The following NTN4 variants were observed in gnomAD, a reference collection of about 807,000 sequenced individuals.
NTN4 encodes netrin-4.
A neutral mutation model predicts 73.6 loss-of-function variants in NTN4; 32 were observed. The observed-to-expected ratio is 0.44, with a 90% CI of 0.33 to 0.58. The LOEUF (loss-of-function observed/expected upper bound fraction) is 0.58. NTN4 is among the 20% of genes least tolerant of loss of function. The probability of loss-of-function intolerance (pLI) is 0.04; values close to 1 mark genes in which losing one functional copy is unlikely to be tolerated. For synonymous variants in NTN4, 258 were observed against 287.5 expected, an observed-to-expected ratio of 0.90 and a Z score of 1.04; for missense variants, 654 against 798.3, an observed-to-expected ratio of 0.82 and a Z score of 2.18.
At chr12:95,705,423 C>T (rs1264227584) in intron 5 of NTN4, among the ~76,000 whole-genome samples, 1 of 152,298 alleles carries the variant, frequency 6.6e-6, no homozygotes, top group East Asian at 1.9e-4. Flanking sequence ...TTTCAGCCAA[C>T]CACTTACCTG....
At position 95,786,881 on chromosome 12, in the gene NTN4, C is replaced by A; in HGVS notation, c.585+58G>T. The A allele has an allele frequency of 2.8e-6, 4 of 1,409,718 alleles. No individual in the cohort carries two copies. The South Asian group carries it at 4.0e-5, about 14-fold the overall frequency. 87.3% of individuals were successfully genotyped at this position (1,409,718 alleles called of 1,614,324 possible). On this transcript the variant is annotated intron_variant, in intron 2 of 9. Transcript: ENST00000343702. ...TAGCTTCATGCTTTAAAAAAAAATG[C>A]GGGCTGGTAACATTTTTCTATCTTA...
At chr12:95,718,399 C>T (rs969219727) in intron 3 of NTN4, among the ~76,000 whole-genome samples, 14 of 152,280 alleles carry the variant, frequency 9.2e-5, no homozygotes, top group African/African-American at 3.4e-4. Context: ...CAGCATCAAG[C>T]ATATGGGATG....
At chr12:95,776,724 A>G (rs2079095604) in intron 2 of NTN4, among the ~76,000 whole-genome samples, 1 of 152,184 alleles carries the variant, frequency 6.6e-6, no homozygotes, top group Non-Finnish European at 1.5e-5. Context: ...GGAACCAGGT[A>G]AGAAAACACT....
At chr12:95,718,980 C>G (rs954973149) in intron 3 of NTN4, among the ~76,000 whole-genome samples, 19 of 152,142 alleles carry the variant, frequency 1.2e-4, no homozygotes, top group African/African-American at 4.3e-4. Context: ...AGCAGAAAAT[C>G]CACCTGGTTA....
At chr12:95,784,055 C>T (rs946521850) in intron 2 of NTN4, among the ~76,000 whole-genome samples, 1 of 152,084 alleles carries the variant, frequency 6.6e-6, no homozygotes, top group Non-Finnish European at 1.5e-5. Flanking sequence ...AGTCTTAAGC[C>T]TTATATAGAA....
intron 7 of NTN4, among the ~76,000 whole-genome samples, chr12:95,678,566 A>G (rs1486336289): frequency 6.6e-6 from 1 of 152,156 alleles, no homozygotes; most frequent in Non-Finnish European, 1.5e-5. Context: ...ATCAAGTTTT[A>G]TAGTGGTGAA....
At chr12:95,784,543 C>T (rs1006579098) in intron 2 of NTN4, among the ~76,000 whole-genome samples, 25 of 152,082 alleles carry the variant, frequency 1.6e-4, no homozygotes, top group African/African-American at 5.1e-4. Flanking sequence ...CCGAGGAGGG[C>T]GGATCACTAG....
At chr12:95,701,063 T>G (rs1269211596) in intron 5 of NTN4, among the ~76,000 whole-genome samples, 1 of 152,136 alleles carries the variant, frequency 6.6e-6, no homozygotes, top group South Asian at 2.1e-4. Flanking sequence ...ATCTGCCCAC[T>G]TGGCCTCCCA....
chr12:95,739,320 T>C (rs1489785262), intron 2 of NTN4, among the ~76,000 whole-genome samples: 2 of 152,218 alleles, frequency 1.3e-5, no homozygotes. Flanking sequence ...AACCGGTATT[T>C]GTATTTCTAG....
intron 3 of NTN4, among the ~76,000 whole-genome samples, chr12:95,717,956 C>CACACTCGTAT (rs1224389237): frequency 6.6e-6 from 1 of 152,178 alleles, no homozygotes; most frequent in Non-Finnish European, 1.5e-5. Flanking sequence ...CAAAAGTTTT[C>CACACTCGTAT]ACACTCGTAT....
intron 5 of NTN4, among the ~76,000 whole-genome samples, chr12:95,687,992 G>A (rs2078374769): frequency 6.6e-6 from 1 of 152,196 alleles, no homozygotes; most frequent in Admixed American, 6.5e-5. Context: ...CAGAAGAAAA[G>A]CTGTAGAGTC....
chr12:95,790,477 G>C lies in NTN4; in HGVS notation c.-168C>G, dbSNP rs2079200860. On this transcript the variant is annotated 5_prime_UTR_variant, in exon 1 of 10. Transcript: ENST00000343702. The surrounding 1 kb of genome is among the most constrained non-coding windows in gnomAD (Gnocchi z 6.5). ...GCGGTCGCCGGCAGCTGGGAGCCAG[G>C]GGCCGGGACCGCGCGGGGAGGTGGG... 7.7e-6 allele frequency: 4 copies of C among 521,886 alleles called. No individual in the cohort carries two copies. The highest frequency in any genetic ancestry group is 4.4e-5 in the Admixed American group (1 of 22,888). The allele number at this position is 521,886 out of a possible 1,614,324, so 32.3% of individuals were successfully genotyped here. A position where few individuals can be genotyped will look rare whatever the true frequency, so the allele number is the denominator to read the frequency against.
chr12:95,759,893 T>C (rs1187779684), intron 2 of NTN4, among the ~76,000 whole-genome samples: 2 of 152,234 alleles, frequency 1.3e-5, no homozygotes, highest in Admixed American at 1.3e-4. Flanking sequence ...AGTATATTTA[T>C]AGTAGATGAT....
At chr12:95,741,932 G>A (rs2121190042) in intron 2 of NTN4, among the ~76,000 whole-genome samples, 1 of 152,168 alleles carries the variant, frequency 6.6e-6, no homozygotes, top group South Asian at 2.1e-4. Flanking sequence ...TAAAGGAAAT[G>A]CATAATTTAA....
At chr12:95,768,320 C>T (rs974819828) in intron 2 of NTN4, among the ~76,000 whole-genome samples, 1 of 151,932 alleles carries the variant, frequency 6.6e-6, no homozygotes, top group East Asian at 1.9e-4. Context: ...AAGCAAATTC[C>T]TTAAGGATGA....
At chr12:95,712,139 T>C (rs771139170) in intron 4 of NTN4, among the ~76,000 whole-genome samples, 2 of 152,208 alleles carry the variant, frequency 1.3e-5, no homozygotes, top group African/African-American at 2.4e-5. Context: ...AGCGTTAACA[T>C]TGTGATGGGC....
intron 5 of NTN4, among the ~76,000 whole-genome samples, chr12:95,686,828 G>C (rs923806846): frequency 2.6e-5 from 4 of 151,962 alleles, no homozygotes; most frequent in Non-Finnish European, 5.9e-5. Context: ...TCAGTCTTTA[G>C]ACACTTTCCC....
chr12:95,749,647 C>T (rs970372870), intron 2 of NTN4, among the ~76,000 whole-genome samples: 17 of 152,324 alleles, frequency 1.1e-4, no homozygotes, highest in South Asian at 8.3e-4. Flanking sequence ...ATTGCAGGGA[C>T]GCCTCTCTGA....
At chr12:95,682,057 C>CTTTTGTTTTTTTT (rs2078320478) in intron 7 of NTN4, among the ~76,000 whole-genome samples, 1 of 64,546 alleles carries the variant, frequency 1.5e-5, no homozygotes, top group African/African-American at 6.8e-5. Context: ...ATTCAGTAGG[C>CTTTTGTTTTTTTT]TTTTTTTTTT....
Sources: gnomAD v4.1 joint callset for allele counts (sites outside exome capture counted in the v4.1 genomes callset) on GRCh38, gnomAD v4.1.1 for gene constraint, Gnocchi (gnomAD v3.1) non-coding constraint, MANE v1.5 for transcripts, NCBI Gene and HGNC (gene_info 2026-07-23, HGNC 2026-07-21) for gene names.